BBS9: variants seen among roughly 807,000 people sequenced by gnomAD.
BBS9 encodes protein PTHB1.
A neutral mutation model predicts 117.7 loss-of-function variants in BBS9; 89 were observed. The ratio of observed to expected loss-of-function variants is 0.76; its 90% confidence interval spans 0.64 to 0.90. The LOEUF (loss-of-function observed/expected upper bound fraction) is 0.90, where lower values mean the gene tolerates loss of function less well. Among genes scored for constraint, BBS9 ranks in the 40% least tolerant of loss-of-function variants. BBS9 has a pLI of 0.00. For synonymous variants in BBS9, 379 were observed against 370.9 expected, an observed-to-expected ratio of 1.02 and a Z score of -0.25; for missense variants, 982 against 1,042.2, an observed-to-expected ratio of 0.94 and a Z score of 0.80.
chr7:33,463,006 G>C (rs771549010), intron 19 of BBS9, among the ~76,000 whole-genome samples: 2 of 152,098 alleles, frequency 1.3e-5, no homozygotes, highest in Admixed American at 1.3e-4. Flanking sequence ...GAGAAAATGG[G>C]TGAATGGGTG....
chr7:33,516,487 CAAAAAAAAAAAA>C (rs61006845), intron 20 of BBS9, among the ~76,000 whole-genome samples: 21 of 51,522 alleles, frequency 4.1e-4, no homozygotes, highest in East Asian at 3.6e-3. Context: ...ATTTCATCTC[CAAAAAAAAAAAA>C]AAAAAAAAAA....
chr7:33,195,971 G>A (rs1784872545), intron 5 of BBS9, among the ~76,000 whole-genome samples: 1 of 152,070 alleles, frequency 6.6e-6, no homozygotes, highest in Non-Finnish European at 1.5e-5. Context: ...AGTATGTTTG[G>A]ACTATAATTG....
chr7:33,302,180 C>T (rs1048610255), intron 9 of BBS9, among the ~76,000 whole-genome samples: 2 of 151,840 alleles, frequency 1.3e-5, no homozygotes, highest in African/African-American at 4.8e-5. Flanking sequence ...GGTTTTAATC[C>T]CTTGTCAGAA....
At chr7:33,302,103 T>C in intron 9 of BBS9, among the ~76,000 whole-genome samples, 1 of 152,168 alleles carries the variant, frequency 6.6e-6, no homozygotes, top group Non-Finnish European at 1.5e-5. Context: ...TTCAGATCTT[T>C]TGCCCGTTTT....
intron 19 of BBS9, among the ~76,000 whole-genome samples, chr7:33,449,318 A>G (rs1232290760): frequency 6.6e-6 from 1 of 152,204 alleles, no homozygotes; most frequent in Non-Finnish European, 1.5e-5. Flanking sequence ...CCAGCCATAG[A>G]CAATACATCA....
chr7:33,421,619 C>G (rs1832872682), intron 19 of BBS9, among the ~76,000 whole-genome samples: 1 of 152,084 alleles, frequency 6.6e-6, no homozygotes, highest in South Asian at 2.1e-4. Context: ...AAAACATACT[C>G]TTGTCTTTTC....
At chr7:33,530,395 AAT>A (rs1257518494) in intron 20 of BBS9, among the ~76,000 whole-genome samples, 6 of 152,238 alleles carry the variant, frequency 3.9e-5, no homozygotes, top group African/African-American at 1.4e-4. Context: ...TAAATTATCT[AAT>A]ATGTTACTGT....
rs1387373009 is a variant in BBS9, at chr7:33,378,226, A to G, written c.1790-5440A>G. On this transcript the variant is annotated intron_variant, in intron 17 of 22. Coordinates refer to ENST00000242067, the MANE Select transcript of BBS9 (RefSeq NM_198428.3). ...CATAGGTCTGTTTCATATGTTATTC[A>G]CTTGTTTATTTTCTGCCCTTCTCAC... 2.6e-5 allele frequency among the ~76,000 whole-genome samples: 4 copies of G among 152,122 alleles called. No homozygotes were observed. The East Asian group carries it at 5.8e-4, about 22-fold the overall frequency.
At chr7:33,628,618 G>A (rs1283360524) in intron 21 of BBS9, among the ~76,000 whole-genome samples, 2 of 152,212 alleles carry the variant, frequency 1.3e-5, no homozygotes, top group Non-Finnish European at 2.9e-5. Flanking sequence ...ACTTTCAAGA[G>A]TGGGAATCAG....
intron 19 of BBS9, among the ~76,000 whole-genome samples, chr7:33,423,122 G>A (rs1401701360): frequency 6.6e-6 from 1 of 152,126 alleles, no homozygotes; most frequent in African/African-American, 2.4e-5. Context: ...AGCCAAATTG[G>A]AAGCTGTAGC....
At chr7:33,193,722 T>C (rs927115463) in intron 5 of BBS9, among the ~76,000 whole-genome samples, 1 of 152,192 alleles carries the variant, frequency 6.6e-6, no homozygotes, top group Non-Finnish European at 1.5e-5. Flanking sequence ...CTGTAGGATT[T>C]GGCTTCAACC....
At chr7:33,620,678 A>G (rs1265074776) in intron 21 of BBS9, among the ~76,000 whole-genome samples, 1 of 152,162 alleles carries the variant, frequency 6.6e-6, no homozygotes, top group Admixed American at 6.5e-5. Flanking sequence ...AGTGGTCTAT[A>G]GATTCAATAC....
At chr7:33,625,586 C>T (rs1865600675) in intron 21 of BBS9, among the ~76,000 whole-genome samples, 1 of 152,160 alleles carries the variant, frequency 6.6e-6, no homozygotes, top group Non-Finnish European at 1.5e-5. Context: ...GGGTCAGGCT[C>T]CCTTTGCACA....
chr7:33,247,282 A>T (rs1200620535), intron 5 of BBS9, among the ~76,000 whole-genome samples: 1 of 152,158 alleles, frequency 6.6e-6, no homozygotes, highest in Non-Finnish European at 1.5e-5. Flanking sequence ...TTTAATCCTT[A>T]TTGCAGTATC....
chr7:33,159,645 C>G (rs1372092483), intron 4 of BBS9, among the ~76,000 whole-genome samples: 6 of 152,190 alleles, frequency 3.9e-5, no homozygotes, highest in Admixed American at 6.5e-5. Flanking sequence ...TAGTTCCACT[C>G]TCTTTTAACA....
At chr7:33,501,164 G>A (rs1319969980) in intron 19 of BBS9, among the ~76,000 whole-genome samples, 1 of 152,138 alleles carries the variant, frequency 6.6e-6, no homozygotes, top group Non-Finnish European at 1.5e-5. Context: ...CTCAGTTCCA[G>A]GTGAGCAGCG....
chr7:33,209,291 T>C (rs1251707140), intron 5 of BBS9, among the ~76,000 whole-genome samples: 2 of 152,224 alleles, frequency 1.3e-5, no homozygotes, highest in African/African-American at 4.8e-5. Flanking sequence ...TTTTTATGGC[T>C]GAATAGTATT....
intron 5 of BBS9, among the ~76,000 whole-genome samples, chr7:33,192,116 G>A (rs1475415869): frequency 6.6e-6 from 1 of 152,082 alleles, no homozygotes; most frequent in African/African-American, 2.4e-5. Flanking sequence ...CACCTAAAGG[G>A]CCCAACCAGT....
intron 19 of BBS9, among the ~76,000 whole-genome samples, chr7:33,415,622 G>T (rs1363224246): frequency 5.3e-5 from 8 of 152,124 alleles, no homozygotes; most frequent in Non-Finnish European, 1.2e-4. Flanking sequence ...GGACTTTCCA[G>T]TTTAGAAGGG....
Sources: allele counts gnomAD v4.1 joint callset (sites outside exome capture counted in the v4.1 genomes callset), GRCh38; gene constraint gnomAD v4.1.1; transcripts MANE v1.5; gene names NCBI Gene and HGNC (gene_info 2026-07-23, HGNC 2026-07-21).